GLI2: variants seen among roughly 807,000 people sequenced by gnomAD.
The protein encoded by GLI2 is transcription activator GLI2.
Under a neutral mutation model 78.9 loss-of-function variants are expected in GLI2, and 22 were observed. That is an observed-to-expected ratio of 0.28 (90% confidence interval 0.20 to 0.40). The LOEUF (loss-of-function observed/expected upper bound fraction) is 0.40. Among genes scored for constraint, GLI2 ranks in the 10% least tolerant of loss-of-function variants. The pLI, the probability that GLI2 is intolerant of heterozygous loss-of-function variation, is 1.00. For missense variants in GLI2, 2,097 were observed against 2,213.2 expected (o/e 0.95, Z 1.05); for synonymous variants, 974 against 963.7 (o/e 1.01, Z -0.20).
rs1308037697 is a variant in GLI2, at chr2:120,923,613, AAC to A, written c.149-3739_149-3738del. On this transcript the variant is annotated intron_variant, in intron 2 of 13. Transcript: ENST00000361492. ...AACACACAGCATATCCACATACAGC[AAC>A]ACACACACCACATGCACATACACAG... Among the ~76,000 whole-genome samples the A allele has an allele frequency of 2.0e-5, 3 of 152,076 alleles. No individual in the cohort carries two copies. In the East Asian group the frequency reaches 5.8e-4, roughly 29 times the overall value.
At chr2:120,778,588 T>C (rs768801149) in intron 1 of GLI2, among the ~76,000 whole-genome samples, 2 of 152,162 alleles carry the variant, frequency 1.3e-5, no homozygotes, top group South Asian at 4.1e-4. Context: ...AGATTCCACA[T>C]GTGGCTGGTG....
intron 1 of GLI2, among the ~76,000 whole-genome samples, chr2:120,786,410 C>T (rs1453985793): frequency 6.6e-6 from 1 of 152,152 alleles, no homozygotes; most frequent in East Asian, 1.9e-4. Flanking sequence ...ATTGGAAGAG[C>T]CTGGAAAGGC....
chr2:120,984,671 C>T lies in GLI2; in HGVS notation c.1833C>T (p.Thr611=), dbSNP rs779724810. The T allele has an allele frequency of 2.2e-5, 35 of 1,613,610 alleles. No individual in the cohort carries two copies. Among genetic ancestry groups the T allele is most frequent in the East Asian group, 8.9e-5 (4 of 44,884 alleles). ...CGGAGCCTGGCGGCCCAGAGAGCAC[C>T]GAGGCCAGCAGCACCAGCCAGGCCG... is the stretch of plus-strand genomic sequence containing the variant. ...AGTEPGGPES[T]EASSTSQAVE... is the part of the protein sequence containing the mutation. Residue 611 remains threonine, a synonymous_variant, in exon 12 of 14, where the codon ACC becomes ACT. Coordinates refer to ENST00000361492, the MANE Select transcript of GLI2 (RefSeq NM_001374353.1).
At position 120,970,390 on chromosome 2, in the gene GLI2, C is replaced by T. The variant is rs1372289413; in HGVS notation, c.846-3C>T. ...CCACTTCCTTGTCTGCTCTCTGTTG[C>T]AGCCCAGCCTTCACCTTCCCCCACC... On this transcript the variant is annotated splice_polypyrimidine_tract_variant and splice_region_variant and intron_variant, in intron 6 of 13. Transcript: ENST00000361492. 1.3e-6 allele frequency: 2 copies of T among 1,580,264 alleles called. No individual in the cohort carries two copies. Among genetic ancestry groups the T allele is most frequent in the Admixed American group, 1.7e-5 (1 of 59,938 alleles).
chr2:120,952,568 G>C (rs1456881992), intron 4 of GLI2, among the ~76,000 whole-genome samples: 1 of 152,236 alleles, frequency 6.6e-6, no homozygotes, highest in Non-Finnish European at 1.5e-5. Flanking sequence ...TGGCACGGAG[G>C]TTTGCACTTT....
At chr2:120,918,540 A>C (rs543089630) in intron 2 of GLI2, among the ~76,000 whole-genome samples, 7 of 150,476 alleles carry the variant, frequency 4.7e-5, no homozygotes, top group African/African-American at 1.7e-4. Flanking sequence ...TCCCAGGTTC[A>C]AGTTATTCTC....
chr2:120,774,907 C>G (rs1486012236), intron 1 of GLI2, among the ~76,000 whole-genome samples: 1 of 152,228 alleles, frequency 6.6e-6, no homozygotes, highest in African/African-American at 2.4e-5. Flanking sequence ...AGATCCTTTT[C>G]TGTGATGTGG....
At chr2:120,909,117 G>C (rs552609154) in intron 2 of GLI2, among the ~76,000 whole-genome samples, 1 of 152,262 alleles carries the variant, frequency 6.6e-6, no homozygotes, top group African/African-American at 2.4e-5. Context: ...TAGGATTGTG[G>C]CATGATTGTT....
At chr2:120,834,080 C>G (rs1019570716) in intron 2 of GLI2, among the ~76,000 whole-genome samples, 1 of 152,184 alleles carries the variant, frequency 6.6e-6, no homozygotes, top group African/African-American at 2.4e-5. Flanking sequence ...ATCATCTTGC[C>G]CAGCATCCTC....
Position 120,800,067 on chromosome 2 carries a change from A to C in GLI2, c.148+2599A>C, listed in dbSNP as rs1035349732. 1.3e-5 allele frequency among the ~76,000 whole-genome samples: 2 copies of C among 152,160 alleles called. No homozygotes were observed. The highest frequency in any genetic ancestry group is 2.9e-5 in the Non-Finnish European group (2 of 68,032). ...GAAGGAGGAAGTCTTCATGGGCCAGAAGCGTTTGCTGCAGCCACTGAGGAG... is the reference window on the plus strand; with the variant it reads ...GAAGGAGGAAGTCTTCATGGGCCAGCAGCGTTTGCTGCAGCCACTGAGGAG... On this transcript the variant is annotated intron_variant, in intron 2 of 13. Coordinates refer to ENST00000361492, the MANE Select transcript of GLI2 (RefSeq NM_001374353.1). This position sits in a 1 kb window ranked among gnomAD's most constrained non-coding sequence, Gnocchi z 4.1.
At chr2:120,827,675 T>C (rs1686150381) in intron 2 of GLI2, among the ~76,000 whole-genome samples, 1 of 152,190 alleles carries the variant, frequency 6.6e-6, no homozygotes, top group African/African-American at 2.4e-5. Context: ...CAAAATGTGG[T>C]GCGTGATACA....
intron 2 of GLI2, among the ~76,000 whole-genome samples, chr2:120,887,823 G>A (rs942377825): frequency 8.5e-5 from 13 of 152,340 alleles, no homozygotes; most frequent in Non-Finnish European, 1.5e-4. Flanking sequence ...TAATACCAGC[G>A]TTTGCCCAGG....
intron 2 of GLI2, among the ~76,000 whole-genome samples, chr2:120,873,731 C>T (rs1688584628): frequency 6.6e-6 from 1 of 152,202 alleles, no homozygotes; most frequent in East Asian, 1.9e-4. Context: ...AACATCCCTC[C>T]AGCAACCACA....
chr2:120,947,663 C>T (rs1364379571), intron 3 of GLI2, among the ~76,000 whole-genome samples: 2 of 152,178 alleles, frequency 1.3e-5, no homozygotes, highest in Non-Finnish European at 2.9e-5. Context: ...CATATAAACC[C>T]CCTACCAGGT....
chr2:120,802,004 G>T (rs1401905596), intron 2 of GLI2, among the ~76,000 whole-genome samples: 1 of 152,228 alleles, frequency 6.6e-6, no homozygotes, highest in African/African-American at 2.4e-5. Flanking sequence ...TGAGTGTCCA[G>T]CCTTGGTAAG....
At chr2:120,912,459 G>A (rs1402513661) in intron 2 of GLI2, among the ~76,000 whole-genome samples, 3 of 152,022 alleles carry the variant, frequency 2.0e-5, no homozygotes, top group African/African-American at 4.8e-5. Context: ...CTCTTCCCAC[G>A]GATTCATGGA....
At chr2:120,805,735 A>G (rs1684917952) in intron 2 of GLI2, among the ~76,000 whole-genome samples, 1 of 152,192 alleles carries the variant, frequency 6.6e-6, no homozygotes, top group Admixed American at 6.5e-5. Context: ...CCAACTTCCC[A>G]AGTGACTGTG....
At chr2:120,825,101 C>T (rs532413270) in intron 2 of GLI2, among the ~76,000 whole-genome samples, 4 of 152,180 alleles carry the variant, frequency 2.6e-5, no homozygotes, top group South Asian at 2.1e-4. Context: ...GCTGGGATTA[C>T]AGGTGTGAGC....
intron 1 of GLI2, among the ~76,000 whole-genome samples, chr2:120,775,131 A>G (rs1287930546): frequency 2.0e-5 from 3 of 151,154 alleles, no homozygotes; most frequent in Non-Finnish European, 2.9e-5. Flanking sequence ...CCTACCTATC[A>G]CCTCCCCTTC....
Sources: gnomAD v4.1 joint callset for allele counts (sites outside exome capture counted in the v4.1 genomes callset) on GRCh38, gnomAD v4.1.1 for gene constraint, Gnocchi (gnomAD v3.1) non-coding constraint, MANE v1.5 for transcripts, NCBI Gene and HGNC (gene_info 2026-07-23, HGNC 2026-07-21) for gene names.